Variants in PLEKHO2 observed in about 807,000 individuals in gnomAD.
The protein encoded by PLEKHO2 is pleckstrin homology domain-containing family O member 2.
In PLEKHO2, 20 loss-of-function variants were observed where a neutral mutation model predicts 32.7. The observed-to-expected ratio is 0.61, with a 90% CI of 0.43 to 0.89. The LOEUF (loss-of-function observed/expected upper bound fraction) is 0.89. Among genes scored for constraint, PLEKHO2 ranks in the 40% least tolerant of loss-of-function variants. PLEKHO2 has a pLI of 0.00. For synonymous variants in PLEKHO2, 247 were observed against 246.3 expected (o/e 1.00, Z -0.03); for missense variants, 568 against 621.2 (o/e 0.91, Z 0.91).
Position 64,866,066 on chromosome 15 carries a change from C to A in PLEKHO2, c.*178C>A. 1.2e-6 allele frequency: 1 copy of A among 838,682 alleles called. No homozygotes were observed. The highest frequency in any genetic ancestry group is 1.8e-6 in the Non-Finnish European group (1 of 555,654). The allele number at this position is 838,682 out of a possible 1,614,324, so 52.0% of individuals were successfully genotyped here. A position where few individuals can be genotyped will look rare whatever the true frequency, so the allele number is the denominator to read the frequency against. On this transcript the variant is annotated 3_prime_UTR_variant, in exon 6 of 6. Transcript: ENST00000323544. ...TGGCGTCCTTCCTACTCTGCTCTGG[C>A]CAGTGGTGCCAGGTGCCACCCAGGG...
rs144415889 is a variant in PLEKHO2 at position 64,855,006 on chromosome 15, G to A, written c.248G>A (p.Arg83His). ...CGTGCCCTCCTCAAGCGAAAACACCGCTTTATCCTGCTGCGATCCCCAGGG... is the reference window on the plus strand; with the variant it reads ...CGTGCCCTCCTCAAGCGAAAACACCACTTTATCCTGCTGCGATCCCCAGGG... The part of the protein sequence containing the change: ...DLRALLKRKH[R>H]FILLRSPGNK... The change falls in exon 3 of 6, where the codon CGC (arginine) becomes CAC (histidine). Residue 83 changes from arginine to histidine, a missense_variant. Transcript: ENST00000323544. 1.5e-4 allele frequency: 243 copies of A among 1,594,364 alleles called. No homozygotes were observed. The highest frequency in any genetic ancestry group is 1.9e-4 in the Non-Finnish European group (223 of 1,170,070).
At chr15:64,848,396 T>G (rs1478435488) in intron 1 of PLEKHO2, among the ~76,000 whole-genome samples, 197 bp from the exon 2 acceptor site, 1 of 152,234 alleles carries the variant, frequency 6.6e-6, no homozygotes, top group Non-Finnish European at 1.5e-5. Flanking sequence ...CAGAGTAAAG[T>G]GGCTGCTGCT....
In PLEKHO2 at chr15:64,858,389, C is replaced by A. The variant is rs561626083; in HGVS notation, c.280-1505C>A. Among the ~76,000 whole-genome samples the A allele has an allele frequency of 2.0e-5, 3 of 152,266 alleles. No individual in the cohort carries two copies. The East Asian group carries it at 5.8e-4, about 29-fold the overall frequency. ...AGAGTGGAGGGAGGGGAGGTACTAT[C>A]TAACACCAGGGTGGAGGATGGGCAA... On this transcript the variant is annotated intron_variant, in intron 3 of 5. Coordinates refer to ENST00000323544, the MANE Select transcript of PLEKHO2 (RefSeq NM_025201.5).
chr15:64,854,838 A>G, intron 2 of PLEKHO2, 83 bp from the exon 3 acceptor site: 1 of 1,072,044 alleles, frequency 9.3e-7, no homozygotes, highest in Non-Finnish European at 1.4e-6. Flanking sequence ...GCTGAGTGGG[A>G]TCAGGGTCTG....
chr15:64,855,350 G>T (rs1483616277), intron 3 of PLEKHO2, among the ~76,000 whole-genome samples: 1 of 152,196 alleles, frequency 6.6e-6, no homozygotes, highest in African/African-American at 2.4e-5. Context: ...GGGGCACTTG[G>T]CTGTACCCCA....
chr15:64,866,884 G>T lies in PLEKHO2; in HGVS notation c.*996G>T, dbSNP rs577944076. ...GTCATTTCTTCAAATGCTGATAGGG[G>T]TATGTTGGAATCCGAAGCCACTTCC... is the stretch of plus-strand genomic sequence containing the variant. On this transcript the variant is annotated 3_prime_UTR_variant, in exon 6 of 6. Coordinates refer to ENST00000323544, the MANE Select transcript of PLEKHO2 (RefSeq NM_025201.5). 1.3e-5 allele frequency: 2 copies of T among 152,890 alleles called. No homozygotes were observed. The highest frequency in any genetic ancestry group is 2.0e-4 in the South Asian group (1 of 4,886). The allele number at this position is 152,890 out of a possible 1,614,324, so 9.5% of individuals were successfully genotyped here. A position where few individuals can be genotyped will look rare whatever the true frequency, so the allele number is the denominator to read the frequency against.
intron 2 of PLEKHO2, among the ~76,000 whole-genome samples, chr15:64,854,450 A>G (rs918118562): frequency 3.9e-5 from 6 of 152,186 alleles, no homozygotes; most frequent in Non-Finnish European, 5.9e-5. Flanking sequence ...CAGGGCATGT[A>G]GCCCCAAATT....
At chr15:64,858,975 T>C (rs1328062055) in intron 3 of PLEKHO2, among the ~76,000 whole-genome samples, 1 of 152,228 alleles carries the variant, frequency 6.6e-6, no homozygotes, top group African/African-American at 2.4e-5. Context: ...TCTCTGTCTC[T>C]ATGATTTTGA....
intron 1 of PLEKHO2, among the ~76,000 whole-genome samples, chr15:64,847,656 A>G (rs995752757): frequency 2.0e-5 from 3 of 152,192 alleles, no homozygotes; most frequent in African/African-American, 7.2e-5. Flanking sequence ...AATGAGGCAC[A>G]AGATGTCAGT....
chr15:64,842,805 C>A (rs1438230682), intron 1 of PLEKHO2, among the ~76,000 whole-genome samples: 1 of 152,202 alleles, frequency 6.6e-6, no homozygotes, highest in Non-Finnish European at 1.5e-5. Flanking sequence ...TGCCCCTGCC[C>A]CTGCCCTTTA....
At chr15:64,863,650 G>A (rs999992656) in intron 5 of PLEKHO2, among the ~76,000 whole-genome samples, 7 of 152,154 alleles carry the variant, frequency 4.6e-5, no homozygotes, top group African/African-American at 1.4e-4. Flanking sequence ...AGGGAGATGG[G>A]CATCGTGGCA....
intron 3 of PLEKHO2, among the ~76,000 whole-genome samples, chr15:64,856,367 TG>T (rs1027117472): frequency 4.6e-5 from 7 of 152,090 alleles, no homozygotes; most frequent in African/African-American, 1.7e-4. Context: ...AGTGCTCACC[TG>T]GCCGTGTGTC....
In PLEKHO2 at chr15:64,841,936, T is replaced by A. The variant is rs1366198306; in HGVS notation, c.-81T>A. ...GGACAGAACGCGGAGAGTCGCCGCC[T>A]GGCCGGGCGTAGACGCGGTGGCAGA... is the stretch of plus-strand genomic sequence containing the variant. On this transcript the variant is annotated 5_prime_UTR_variant, in exon 1 of 6. Transcript: ENST00000323544. The A allele has an allele frequency of 1.6e-6, 2 of 1,217,848 alleles. No homozygotes were observed. The highest frequency in any genetic ancestry group is 1.6e-5 in the African/African-American group (1 of 63,688). The allele number at this position is 1,217,848 out of a possible 1,614,324, so 75.4% of individuals were successfully genotyped here. A position where few individuals can be genotyped will look rare whatever the true frequency, so the allele number is the denominator to read the frequency against.
In PLEKHO2 at chr15:64,867,063, T is replaced by C. The variant is rs2084694705; in HGVS notation, c.*1175T>C. On this transcript the variant is annotated 3_prime_UTR_variant, in exon 6 of 6. Transcript: ENST00000323544. ...ACTCTAGGGGCACATCCAGTCTCCA[T>C]CGTGCTGCAGCAGCTGGACTGAGGG... The C allele has an allele frequency of 6.5e-6, 1 of 152,844 alleles. No homozygotes were observed. Among genetic ancestry groups the C allele is most frequent in the Non-Finnish European group, 1.5e-5 (1 of 68,214 alleles). The allele number at this position is 152,844 out of a possible 1,614,324, so 9.5% of individuals were successfully genotyped here. A position where few individuals can be genotyped will look rare whatever the true frequency, so the allele number is the denominator to read the frequency against.
intron 1 of PLEKHO2, among the ~76,000 whole-genome samples, chr15:64,843,528 G>T (rs537433743): frequency 6.6e-6 from 1 of 152,038 alleles, no homozygotes; most frequent in Non-Finnish European, 1.5e-5. Context: ...TCCTGGGCCC[G>T]GCTCAGCTCT....
At chr15:64,863,535 G>GTGTA (rs2084659221) in intron 5 of PLEKHO2, among the ~76,000 whole-genome samples, 1 of 126,812 alleles carries the variant, frequency 7.9e-6, no homozygotes, top group African/African-American at 4.4e-5. Flanking sequence ...GTGTGTGTGT[G>GTGTA]TGTGTGTGTG....
At chr15:64,863,355 C>T (rs2084656416) in intron 5 of PLEKHO2, among the ~76,000 whole-genome samples, 1 of 152,032 alleles carries the variant, frequency 6.6e-6, no homozygotes, top group Non-Finnish European at 1.5e-5. Flanking sequence ...GCAGCCTGTG[C>T]CTGTCTGTCA....
intron 2 of PLEKHO2, among the ~76,000 whole-genome samples, chr15:64,853,107 C>T (rs2084580523): frequency 6.7e-6 from 1 of 150,270 alleles, no homozygotes; most frequent in African/African-American, 2.4e-5. Context: ...CCACTGCACT[C>T]CAGCCTGAGC....
intron 1 of PLEKHO2, among the ~76,000 whole-genome samples, chr15:64,843,224 C>T (rs2084498189): frequency 6.6e-6 from 1 of 152,238 alleles, no homozygotes; most frequent in Non-Finnish European, 1.5e-5. Flanking sequence ...CTTCCCCTCT[C>T]AGCCTTCATT....
Sources: gnomAD v4.1 joint callset for allele counts (sites outside exome capture counted in the v4.1 genomes callset) on GRCh38, gnomAD v4.1.1 for gene constraint, MANE v1.5 for transcripts, NCBI Gene and HGNC (gene_info 2026-07-23, HGNC 2026-07-21) for gene names.